CEP112: variants seen among roughly 807,000 people sequenced by gnomAD.
CEP112 encodes centrosomal protein of 112 kDa.
In CEP112, 127 loss-of-function variants were observed where a neutral mutation model predicts 153.0. That is an observed-to-expected ratio of 0.83 (90% CI 0.72 to 0.96). The LOEUF is 0.96. CEP112 is among the 40% of genes least tolerant of loss of function. The pLI is 0.00. For synonymous variants in CEP112, 358 were observed against 374.4 expected, an observed-to-expected ratio of 0.96 and a Z score of 0.51; for missense variants, 1,089 against 1,101.2, an observed-to-expected ratio of 0.99 and a Z score of 0.16.
rs191914694 is a variant in CEP112 at position 66,179,940 on chromosome 17, A to G, written c.107-2920T>C. Among the ~76,000 whole-genome samples the G allele has an allele frequency of 3.7e-4, 56 of 152,302 alleles. No homozygotes were observed. The East Asian group carries it at 9.1e-3, about 25-fold the overall frequency. On this transcript the variant is annotated intron_variant, in intron 2 of 26. Coordinates refer to ENST00000535342, the MANE Select transcript of CEP112 (RefSeq NM_001199165.4). ...TCAAATGCTTTTCCAGCATTAATTG[A>G]AATGATCATACAGTTTTTGTCCACC...
chr17:65,956,779 T>TA (rs1336251517), intron 18 of CEP112, among the ~76,000 whole-genome samples: 1 of 151,672 alleles, frequency 6.6e-6, no homozygotes, highest in African/African-American at 2.4e-5. Flanking sequence ...CCTATTGAAA[T>TA]AAAAAAATAA....
chr17:65,859,758 C>T (rs548080145), intron 20 of CEP112, among the ~76,000 whole-genome samples: 54 of 149,074 alleles, frequency 3.6e-4, no homozygotes, highest in African/African-American at 1.2e-3. Flanking sequence ...CCTGTAATCC[C>T]GGCACTTTGG....
intron 20 of CEP112, among the ~76,000 whole-genome samples, chr17:65,866,589 T>A (rs1168399250): frequency 1.3e-5 from 2 of 152,110 alleles, no homozygotes; most frequent in Non-Finnish European, 2.9e-5. Context: ...TAGCCATCCA[T>A]GGACCAATCA....
chr17:66,109,256 CT>C (rs2068915559), intron 6 of CEP112, among the ~76,000 whole-genome samples: 2 of 152,032 alleles, frequency 1.3e-5, no homozygotes, highest in Admixed American at 1.3e-4. Flanking sequence ...TTTTAAATAA[CT>C]ATAAGAGTGT....
chr17:66,005,411 A>C (rs1045023699), intron 17 of CEP112, among the ~76,000 whole-genome samples: 2 of 152,188 alleles, frequency 1.3e-5, no homozygotes, highest in Non-Finnish European at 2.9e-5. Context: ...TTTTTTAAAA[A>C]ATATGTTTTC....
At chr17:66,140,753 C>T (rs1568539362) in intron 4 of CEP112, among the ~76,000 whole-genome samples, 1 of 152,100 alleles carries the variant, frequency 6.6e-6, no homozygotes, top group Non-Finnish European at 1.5e-5. Flanking sequence ...AGCAATTCTC[C>T]TGCCTCCCCG....
At chr17:65,798,261 T>C (rs2055053356) in intron 21 of CEP112, among the ~76,000 whole-genome samples, 1 of 152,214 alleles carries the variant, frequency 6.6e-6, no homozygotes, top group African/African-American at 2.4e-5. Context: ...AAACACATTA[T>C]ATATTTATAA....
intron 4 of CEP112, among the ~76,000 whole-genome samples, chr17:66,139,147 A>G (rs2070572797): frequency 6.6e-6 from 1 of 152,178 alleles, no homozygotes; most frequent in African/African-American, 2.4e-5. Flanking sequence ...GGGATAAAAC[A>G]GAAAATAGAA....
chr17:66,119,337 T>TA, intron 6 of CEP112, among the ~76,000 whole-genome samples: 1 of 152,172 alleles, frequency 6.6e-6, no homozygotes, highest in East Asian at 1.9e-4. Flanking sequence ...CCCCAGAACT[T>TA]AAAAAATAAT....
Position 65,750,593 on chromosome 17 carries a change from AGG to A in CEP112, c.2457+67_2457+68del, listed in dbSNP as rs763253857. On this transcript the variant is annotated intron_variant, in intron 22 of 26. Transcript: ENST00000535342. ...AATGAAGTTTAACTTGAAAGTGCCA[AGG>A]CTTTTATGTGGAGGTTTCATTTTTG... is the stretch of plus-strand genomic sequence containing the variant. 174 of 1,330,852 alleles carry A rather than the reference AGG, an allele frequency of 1.3e-4. 2 individuals carry two copies. Among genetic ancestry groups the A allele is most frequent in the South Asian group, 4.8e-4 (39 of 81,532 alleles). 82.4% of individuals were successfully genotyped at this position (1,330,852 alleles called of 1,614,324 possible). A position where few individuals can be genotyped will look rare whatever the true frequency, so the allele number is the denominator to read the frequency against.
At chr17:66,056,175 C>A (rs1232963113) in intron 11 of CEP112, among the ~76,000 whole-genome samples, 1 of 152,142 alleles carries the variant, frequency 6.6e-6, no homozygotes, top group Non-Finnish European at 1.5e-5. Flanking sequence ...ACAGGAGACA[C>A]CAATGCCCTT....
In CEP112 at chr17:65,662,906, TC is replaced by T. The variant is rs200098300; in HGVS notation, c.2698-21842del. On this transcript the variant is annotated intron_variant, in intron 24 of 26. Transcript: ENST00000535342. ...CCAGAGGGTGTGTTTTTGCTTTATT[TC>T]CAACCATAAGAGGCTCCTATCTGAA... 3.1e-3 allele frequency among the ~76,000 whole-genome samples: 468 copies of T among 152,286 alleles called. 1 individual carries two copies. The highest frequency in any genetic ancestry group is 0.011 in the African/African-American group (444 of 41,574).
chr17:65,912,014 G>T (rs1359550327), intron 19 of CEP112, among the ~76,000 whole-genome samples: 1 of 152,166 alleles, frequency 6.6e-6, no homozygotes, highest in Non-Finnish European at 1.5e-5. Flanking sequence ...TTAAACAAGG[G>T]ATGTGGTCTC....
At chr17:65,697,452 T>C (rs2048411058) in intron 23 of CEP112, among the ~76,000 whole-genome samples, 1 of 152,228 alleles carries the variant, frequency 6.6e-6, no homozygotes, top group South Asian at 2.1e-4. Context: ...TGTTTTTCTT[T>C]CTACTACTGC....
intron 4 of CEP112, among the ~76,000 whole-genome samples, chr17:66,174,180 A>G (rs1201986819): frequency 6.6e-6 from 1 of 152,184 alleles, no homozygotes; most frequent in Admixed American, 6.5e-5. Context: ...CGCCCGCCTC[A>G]GCCTCCCAAA....
intron 20 of CEP112, among the ~76,000 whole-genome samples, chr17:65,901,669 A>G (rs1395056983): frequency 6.6e-6 from 1 of 152,106 alleles, no homozygotes; most frequent in Admixed American, 6.6e-5. Context: ...AGTCATTTTT[A>G]TCAATTACCA....
At chr17:65,792,420 C>T (rs1267068631) in intron 21 of CEP112, among the ~76,000 whole-genome samples, 3 of 152,002 alleles carry the variant, frequency 2.0e-5, no homozygotes, top group Non-Finnish European at 4.4e-5. Flanking sequence ...CTTAAACATG[C>T]TTTGTAGCTG....
At chr17:66,176,551 A>G (rs1274577091) in intron 3 of CEP112, 1 of 238,744 alleles carries the variant, frequency 4.2e-6, no homozygotes, top group Non-Finnish European at 7.9e-6. Flanking sequence ...AGTGAAAATT[A>G]GCAAAAAGTA....
At chr17:65,650,269 G>C (rs989215319) in intron 24 of CEP112, among the ~76,000 whole-genome samples, 1 of 152,106 alleles carries the variant, frequency 6.6e-6, no homozygotes. Flanking sequence ...AGGCACCCAG[G>C]GGGAGGGAGC....
Sources: gnomAD v4.1 joint callset for allele counts (sites outside exome capture counted in the v4.1 genomes callset) on GRCh38, gnomAD v4.1.1 for gene constraint, MANE v1.5 for transcripts, NCBI Gene and HGNC (gene_info 2026-07-23, HGNC 2026-07-21) for gene names.